KRT86: variants seen among roughly 807,000 people sequenced by gnomAD.
The protein encoded by KRT86 is keratin 86.
KRT86 carries 30 observed loss-of-function variants against 41.2 expected under a neutral mutation model. The observed-to-expected ratio is 0.73, with a 90% CI of 0.54 to 0.99. KRT86 has a LOEUF of 0.99. Among genes scored for constraint, KRT86 ranks in the 50% least tolerant of loss-of-function variants. The probability of loss-of-function intolerance (pLI) is 0.00; values close to 1 mark genes in which losing one functional copy is unlikely to be tolerated. For missense variants in KRT86, 561 were observed against 571.4 expected (o/e 0.98, Z 0.19); for synonymous variants, 238 against 238.1 (o/e 1.00, Z 0.00).
At chr12:52,287,052 G>C in intron 2 of KRT86, 1 of 1,612,324 alleles carries the variant, frequency 6.2e-7, no homozygotes, top group Non-Finnish European at 8.5e-7. Flanking sequence ...GGGTAGGCTT[G>C]TGCCAGGGAT....
chr12:52,299,731 A>G (rs758407759), intron 2 of KRT86, among the ~76,000 whole-genome samples: 5 of 152,194 alleles, frequency 3.3e-5, no homozygotes, highest in Non-Finnish European at 5.9e-5. Flanking sequence ...TTGGTCATGT[A>G]TATGTCTTCT....
intron 2 of KRT86, chr12:52,291,646 T>A: frequency 1.1e-6 from 1 of 879,112 alleles, no homozygotes; most frequent in African/African-American, 1.7e-5. Context: ...TAGCCGGGTC[T>A]AACGCCTCTC....
intron 2 of KRT86, among the ~76,000 whole-genome samples, chr12:52,283,570 T>C (rs2121214231): frequency 7.8e-6 from 1 of 128,328 alleles, no homozygotes; most frequent in African/African-American, 3.0e-5. Context: ...CCTCCACCTC[T>C]CAGGCTCAAG....
At chr12:52,301,161 G>C (rs1340158160) in intron 2 of KRT86, among the ~76,000 whole-genome samples, 1 of 151,496 alleles carries the variant, frequency 6.6e-6, no homozygotes, top group Non-Finnish European at 1.5e-5. Flanking sequence ...GTATGTGAAA[G>C]AGAGAGGGGG....
intron 2 of KRT86, chr12:52,286,534 G>A: frequency 6.5e-7 from 1 of 1,538,982 alleles, no homozygotes; most frequent in Non-Finnish European, 8.8e-7. Context: ...TGAAGGGCAA[G>A]CCATCCTGCC....
Position 52,308,679 on chromosome 12 carries a change from A to C in KRT86, c.*94A>C. The C allele has an allele frequency of 6.5e-6, 8 of 1,238,694 alleles. No individual in the cohort carries two copies. The highest frequency in any genetic ancestry group is 8.0e-6 in the Non-Finnish European group (7 of 877,906). 76.7% of individuals were successfully genotyped at this position (1,238,694 alleles called of 1,614,324 possible). A position where few individuals can be genotyped will look rare whatever the true frequency, so the allele number is the denominator to read the frequency against. ...ACGCGCCGCCCGCGCCGGCCTCCCA[A>C]TAGCCGCCGCCCGCTGCCTGCACTC... On this transcript the variant is annotated 3_prime_UTR_variant, in exon 11 of 11. Transcript: ENST00000423955.
Position 52,274,716 on chromosome 12 carries a change from C to T in KRT86, c.-137C>T, listed in dbSNP as rs1592411842. 2 of 985,426 alleles carry T rather than the reference C, an allele frequency of 2.0e-6. No homozygotes were observed. The highest frequency in any genetic ancestry group is 2.3e-4 in the East Asian group (2 of 8,808). The allele number at this position is 985,426 out of a possible 1,614,324, so 61.0% of individuals were successfully genotyped here. ...GGCTTGGAGGAGACCACAGTTCTTT[C>T]TCCATGGTGAGACTCATACACGTGG... On this transcript the variant is annotated 5_prime_UTR_variant, in exon 1 of 11. Coordinates refer to ENST00000423955, the MANE Select transcript of KRT86 (RefSeq NM_001320198.2).
chr12:52,298,468 T>A (rs1938299374), intron 2 of KRT86, among the ~76,000 whole-genome samples: 1 of 152,216 alleles, frequency 6.6e-6, no homozygotes, highest in Non-Finnish European at 1.5e-5. Context: ...TGTGGATGAG[T>A]ATATCCCATC....
At chr12:52,287,737 A>G in intron 2 of KRT86, 7 of 1,614,002 alleles carry the variant, frequency 4.3e-6, no homozygotes, top group Non-Finnish European at 5.9e-6. Context: ...GGAAGTAGAG[A>G]TGCTCATGAG....
intron 1 of KRT86, 28 bp from the exon 2 acceptor site, chr12:52,275,793 C>T: frequency 2.0e-6 from 2 of 982,406 alleles, no homozygotes; most frequent in Non-Finnish European, 2.4e-6. Context: ...CTCCTGACTA[C>T]AGCTCCCCTC....
chr12:52,283,445 A>T (rs1937827793), intron 2 of KRT86, among the ~76,000 whole-genome samples: 3 of 139,648 alleles, frequency 2.1e-5, no homozygotes, highest in Non-Finnish European at 3.1e-5. Flanking sequence ...TTGGTAAGGG[A>T]TGTTAGTAGC....
At chr12:52,292,063 T>C (rs1296189300) in intron 2 of KRT86, among the ~76,000 whole-genome samples, 1 of 152,228 alleles carries the variant, frequency 6.6e-6, no homozygotes, top group African/African-American at 2.4e-5. Flanking sequence ...CCATCTCACT[T>C]TTCCTACCAT....
chr12:52,304,944 G>C lies in KRT86; in HGVS notation c.652G>C (p.Ala218Pro). 1 of 1,614,104 alleles carries C rather than the reference G, an allele frequency of 6.2e-7. No individual in the cohort carries two copies. Among genetic ancestry groups the C allele is most frequent in the Non-Finnish European group, 8.5e-7 (1 of 1,180,006 alleles). The change falls in exon 6 of 11, where the codon GCC becomes CCC. Residue 218 changes from alanine (A) to proline (P), a missense_variant. By Grantham distance (27) the Ala-to-Pro change is conservative. Around this residue, in one of 3 missense-constraint regions of KRT86, gnomAD observed 397 missense variants for 375.9 expected, o/e 1.06. Coordinates refer to ENST00000423955, the MANE Select transcript of KRT86 (RefSeq NM_001320198.2). The stretch of plus-strand genomic sequence containing the variant: ...CCCACCTTTCCAGGATGTGGACTGC[G>C]CCTACCTCCGCAAATCAGACCTGGA... ...FVALKKDVDC[A>P]YLRKSDLEAN...
At position 52,308,742 on chromosome 12, in the gene KRT86, C is replaced by T. The variant is rs1592442618; in HGVS notation, c.*157C>T. 2.9e-6 allele frequency: 2 copies of T among 699,888 alleles called. No individual in the cohort carries two copies. Among genetic ancestry groups the T allele is most frequent in the East Asian group, 5.5e-5 (2 of 36,298 alleles). The allele number at this position is 699,888 out of a possible 1,614,324, so 43.4% of individuals were successfully genotyped here. On this transcript the variant is annotated 3_prime_UTR_variant, in exon 11 of 11. Coordinates refer to ENST00000423955, the MANE Select transcript of KRT86 (RefSeq NM_001320198.2). The stretch of plus-strand genomic sequence containing the variant: ...CCACCGCTCCGCTCCGGGAGCCATC[C>T]CCGGTCGCAGGAGTCCGGGGAGGGC...
At chr12:52,298,248 G>A (rs910773635) in intron 2 of KRT86, among the ~76,000 whole-genome samples, 6 of 152,152 alleles carry the variant, frequency 3.9e-5, no homozygotes, top group Admixed American at 1.3e-4. Flanking sequence ...GGTTCTTTTC[G>A]AGGACAAATG....
At position 52,306,236 on chromosome 12, in the gene KRT86, C is replaced by G; in HGVS notation, c.1203C>G (p.Ile401Met). Reference sequence around the variant, plus strand: ...TGAACTCCAAGCTGGGCCTGGACATCGAGATCGCCACCTACAGGCGCCTGC... The same window carrying G: ...TGAACTCCAAGCTGGGCCTGGACATGGAGATCGCCACCTACAGGCGCCTGC... Reference protein sequence around the residue: ...EVMNSKLGLDIEIATYRRLLE... With the variant: ...EVMNSKLGLDMEIATYRRLLE... The change falls in exon 9 of 11, where the codon ATC (isoleucine) becomes ATG (methionine). Residue 401 changes from isoleucine to methionine, a missense_variant. Coordinates refer to ENST00000423955, the MANE Select transcript of KRT86 (RefSeq NM_001320198.2). 1.2e-6 allele frequency: 2 copies of G among 1,613,674 alleles called. No homozygotes were observed. The highest frequency in any genetic ancestry group is 2.2e-5 in the East Asian group (1 of 44,872).
At chr12:52,306,838 G>A (rs1002869131) in intron 9 of KRT86, 1 of 167,130 alleles carries the variant, frequency 6.0e-6, no homozygotes, top group Non-Finnish European at 1.3e-5. Context: ...TTGCTTTCAG[G>A]ATTTTTGCTT....
intron 9 of KRT86, among the ~76,000 whole-genome samples, chr12:52,307,580 C>G (rs552001779): frequency 9.2e-5 from 14 of 152,336 alleles, no homozygotes; most frequent in Non-Finnish European, 2.1e-4. Flanking sequence ...TCTGGGGTGA[C>G]AGCCCTGCCT....
chr12:52,301,959 ATCT>A lies in KRT86; in HGVS notation c.44_46del (p.Ile15_Ser16delinsThr), dbSNP rs1474179276. ...CTGTGGTGGCCGCGCCTTCAGCTGC[ATCT>A]CGGCCTGCGGGCCCCGGCCCGGCCG... On this transcript the variant is annotated inframe_deletion, in exon 3 of 11. Coordinates refer to ENST00000423955, the MANE Select transcript of KRT86 (RefSeq NM_001320198.2). 1 of 1,613,618 alleles carries A rather than the reference ATCT, an allele frequency of 6.2e-7. No individual in the cohort carries two copies. The highest frequency in any genetic ancestry group is 1.3e-5 in the African/African-American group (1 of 74,928).
Sources: allele counts gnomAD v4.1 joint callset (sites outside exome capture counted in the v4.1 genomes callset), GRCh38; gene constraint gnomAD v4.1.1; regional missense constraint gnomAD v4.1.1; transcripts MANE v1.5; gene names NCBI Gene and HGNC (gene_info 2026-07-23, HGNC 2026-07-21).